Variants in CPLX1 observed in about 807,000 individuals in gnomAD.
CPLX1 encodes complexin-1.
Under a neutral mutation model 15.6 loss-of-function variants are expected in CPLX1, and 6 were observed. The observed-to-expected ratio is 0.39, with a 90% CI of 0.21 to 0.76. The LOEUF is 0.76. Among genes scored for constraint, CPLX1 ranks in the 30% least tolerant of loss-of-function variants. The pLI, the probability that CPLX1 is intolerant of heterozygous loss-of-function variation, is 0.43. For missense variants in CPLX1, 242 were observed against 188.6 expected, an observed-to-expected ratio of 1.28 and a Z score of -1.66; for synonymous variants, 91 against 75.2, an observed-to-expected ratio of 1.21 and a Z score of -1.08.
rs551933622 is a variant in CPLX1 at position 805,052 on chromosome 4, C to A, written c.32-12444G>T. The A allele has an allele frequency of 4.6e-4, 264 of 570,964 alleles. 4 individuals are homozygous for A. In the African/African-American group the frequency reaches 5.2e-3, roughly 11 times the overall value. 35.4% of individuals were successfully genotyped at this position (570,964 alleles called of 1,614,324 possible). A position where few individuals can be genotyped will look rare whatever the true frequency, so the allele number is the denominator to read the frequency against. ...CCGTCTGTCTCGGCAGCGGCCCTGG[C>A]GTGTGGCTGGAGACAAGGTGATATC... On this transcript the variant is annotated intron_variant, in intron 2 of 3. Coordinates refer to ENST00000304062, the MANE Select transcript of CPLX1 (RefSeq NM_006651.4).
At chr4:804,776 G>C in intron 2 of CPLX1, 1 of 985,460 alleles carries the variant, frequency 1.0e-6, no homozygotes, top group Non-Finnish European at 1.2e-6. Context: ...CTCGGGAAGT[G>C]CCTGCAGAGT....
intron 2 of CPLX1, among the ~76,000 whole-genome samples, chr4:812,967 G>C (rs1446445293): frequency 1.3e-5 from 2 of 151,926 alleles, no homozygotes; most frequent in South Asian, 2.1e-4. Flanking sequence ...ACTAAGATGG[G>C]AGTAAAGAAA....
At chr4:814,477 T>C (rs750481790) in intron 2 of CPLX1, among the ~76,000 whole-genome samples, 1 of 152,072 alleles carries the variant, frequency 6.6e-6, no homozygotes, top group Non-Finnish European at 1.5e-5. Flanking sequence ...CCTCCCACAG[T>C]GTTGGGATTT....
chr4:792,488 T>TTGGCCTTGCGCTCCTCCTCCGCC lies in CPLX1; in HGVS notation c.129_151dup (p.Lys51ArgfsTer52). The TTGGCCTTGCGCTCCTCCTCCGCC allele has an allele frequency of 6.2e-7, 1 of 1,612,512 alleles. No homozygotes were observed. Among genetic ancestry groups the TTGGCCTTGCGCTCCTCCTCCGCC allele is most frequent in the Non-Finnish European group, 8.5e-7 (1 of 1,179,542 alleles). ...GCGCTCCGCCTCCATCTTGGCGTAC[T>TTGGCCTTGCGCTCCTCCTCCGCC]TGGCCTTGCGCTCCTCCTCCGCCTG... On this transcript the variant is annotated frameshift_variant, in exon 3 of 4. Transcript: ENST00000304062. LOFTEE classifies it high-confidence loss of function.
At position 786,008 on chromosome 4, in the gene CPLX1, AGCGGCCGCGT is replaced by A. The variant is rs147679030; in HGVS notation, c.*483_*492del. 33,233 of 152,188 alleles carry A rather than the reference AGCGGCCGCGT, an allele frequency of 0.22. 4,295 individuals are homozygous for A. The highest frequency in any genetic ancestry group is 0.33 in the Middle Eastern group (98 of 296). The allele number at this position is 152,188 out of a possible 1,614,324, so 9.4% of individuals were successfully genotyped here. On this transcript the variant is annotated 3_prime_UTR_variant, in exon 4 of 4. Coordinates refer to ENST00000304062, the MANE Select transcript of CPLX1 (RefSeq NM_006651.4). ...GAGGGGGCCAGGCCGGGGGGCGGAG[AGCGGCCGCGT>A]GCGGACGCAAATACTCACGGCGGAG...
chr4:825,950 C>G, intron 1 of CPLX1, 96 bp downstream of exon 1: 1 of 92,748 alleles, frequency 1.1e-5, no homozygotes, highest in Non-Finnish European at 2.2e-5. Context: ...GCGGGAGAAG[C>G]GGGGAGAAGC....
intron 3 of CPLX1, chr4:787,352 A>C: frequency 1.4e-5 from 14 of 984,210 alleles, no homozygotes; most frequent in Non-Finnish European, 1.7e-5. Flanking sequence ...CGCGTTTCTC[A>C]TCTCCCGTGA....
intron 2 of CPLX1, among the ~76,000 whole-genome samples, chr4:794,017 T>C (rs538515646): frequency 4.9e-4 from 74 of 152,354 alleles, no homozygotes; most frequent in African/African-American, 1.7e-3. Context: ...GCCATTACTA[T>C]GCTGATACCG....
rs368331813 is a variant in CPLX1, at chr4:801,522, T to C, written c.32-8914A>G. On this transcript the variant is annotated intron_variant, in intron 2 of 3. Transcript: ENST00000304062. ...TTGTAAGGTGTACCACGTGGTACCT[T>C]TTCTATGTTTAGATGTGCTTAGGTA... is the stretch of plus-strand genomic sequence containing the variant. Among the ~76,000 whole-genome samples the C allele has an allele frequency of 2.2e-4, 34 of 152,292 alleles. No homozygotes were observed. In the East Asian group the frequency reaches 4.3e-3, roughly 19 times the overall value.
chr4:814,788 C>A lies in CPLX1; in HGVS notation c.31+9704G>T, dbSNP rs924420995. 4.6e-5 allele frequency among the ~76,000 whole-genome samples: 7 copies of A among 152,236 alleles called. No homozygotes were observed. In the East Asian group the frequency reaches 1.3e-3, roughly 29 times the overall value. On this transcript the variant is annotated intron_variant, in intron 2 of 3. Coordinates refer to ENST00000304062, the MANE Select transcript of CPLX1 (RefSeq NM_006651.4). ...CTGTACATGGAGCAGACACAAACCA[C>A]CGGGCATCTGCCAGTATGAACAAGT...
At chr4:801,762 C>T (rs1746464977) in intron 2 of CPLX1, among the ~76,000 whole-genome samples, 1 of 152,234 alleles carries the variant, frequency 6.6e-6, no homozygotes. Flanking sequence ...TTACATGATG[C>T]ATGACTGCAC....
rs930504736 is a variant in CPLX1 at position 786,328 on chromosome 4, G to A, written c.*173C>T. 1.6e-5 allele frequency: 9 copies of A among 571,346 alleles called. No individual in the cohort carries two copies. In the South Asian group the frequency reaches 2.7e-4, roughly 17 times the overall value. The allele number at this position is 571,346 out of a possible 1,614,324, so 35.4% of individuals were successfully genotyped here. On this transcript the variant is annotated 3_prime_UTR_variant, in exon 4 of 4. Transcript: ENST00000304062. ...GCACGGGGCGGACTGGGGGGGTCCT[G>A]GGGGCGCGCGCCCCTTGCCGGGTGA... is the stretch of plus-strand genomic sequence containing the variant.
chr4:811,148 C>T (rs1020647708), intron 2 of CPLX1, among the ~76,000 whole-genome samples: 2 of 152,128 alleles, frequency 1.3e-5, no homozygotes, highest in African/African-American at 2.4e-5. Context: ...AACAAGGGCA[C>T]ACTGCCATGC....
At position 824,594 on chromosome 4, in the gene CPLX1, TGTTCTTCC is replaced by T. The variant is rs1359883386; in HGVS notation, c.-79-1_-73del. The stretch of plus-strand genomic sequence containing the variant: ...ACACGCAAGTATGGCCGGGAGCGAG[TGTTCTTCC>T]TGGGGGAGAGTGAAGTGGTCACAGG... On this transcript the variant is annotated splice_acceptor_variant and 5_prime_UTR_variant, in exon 2 of 4. Coordinates refer to ENST00000304062, the MANE Select transcript of CPLX1 (RefSeq NM_006651.4). LOFTEE classifies it low-confidence loss of function (5UTR_SPLICE). The T allele has an allele frequency of 6.5e-7, 1 of 1,538,856 alleles. No homozygotes were observed. The highest frequency in any genetic ancestry group is 1.7e-5 in the Admixed American group (1 of 59,922).
intron 2 of CPLX1, among the ~76,000 whole-genome samples, chr4:810,519 G>A (rs892645291): frequency 2.0e-5 from 3 of 152,204 alleles, no homozygotes; most frequent in Non-Finnish European, 2.9e-5. Flanking sequence ...CTCCACATGC[G>A]TGAGTGGCTC....
chr4:804,969 G>GCGGC, intron 2 of CPLX1: 1 of 983,978 alleles, frequency 1.0e-6, no homozygotes, highest in Non-Finnish European at 1.2e-6. Flanking sequence ...CTCCTGCGCG[G>GCGGC]CGGCCGGCTA....
At chr4:810,499 G>A (rs768366754) in intron 2 of CPLX1, among the ~76,000 whole-genome samples, 1 of 152,284 alleles carries the variant, frequency 6.6e-6, no homozygotes, top group Non-Finnish European at 1.5e-5. Flanking sequence ...GAGCATGAGG[G>A]CGTGGGTTTC....
At chr4:788,593 C>T (rs1423659966) in intron 3 of CPLX1, 1 of 985,370 alleles carries the variant, frequency 1.0e-6, no homozygotes, top group African/African-American at 1.7e-5. Context: ...AGAACAAAGC[C>T]CTGACCCTGT....
Position 792,438 on chromosome 4 carries a change from C to T in CPLX1, c.202G>A (p.Asp68Asn). ...GGGGCCGGCCCGGCGCGCACCTTGT[C>T]TCGGATGCCCTGGCGCACGGCCTCG... ...EREAVRQGIR[D>N]KYGIKKKEER... The change falls in exon 3 of 4, where the codon GAC (aspartate) becomes AAC (asparagine). Residue 68 changes from aspartate (D) to asparagine (N), a missense_variant. By Grantham distance (23) the Asp-to-Asn change is conservative. Transcript: ENST00000304062. The T allele has an allele frequency of 6.3e-7, 1 of 1,581,844 alleles. No homozygotes were observed. The highest frequency in any genetic ancestry group is 2.3e-5 in the East Asian group (1 of 43,458).
Sources: allele counts gnomAD v4.1 joint callset (sites outside exome capture counted in the v4.1 genomes callset), GRCh38; gene constraint gnomAD v4.1.1; transcripts MANE v1.5; gene names NCBI Gene and HGNC (gene_info 2026-07-23, HGNC 2026-07-21).